The following DOCK1 variants were observed in gnomAD, a reference collection of about 807,000 sequenced individuals.
The protein encoded by DOCK1 is dedicator of cytokinesis protein 1.
Under a neutral mutation model 262.7 loss-of-function variants are expected in DOCK1, and 138 were observed. The ratio of observed to expected loss-of-function variants is 0.53; its 90% confidence interval spans 0.46 to 0.61. The LOEUF is 0.61. Ranked by LOEUF, DOCK1 falls within the 20% of genes least tolerant of loss-of-function variation. The pLI, the probability that DOCK1 is intolerant of heterozygous loss-of-function variation, is 0.00. For synonymous variants in DOCK1, 866 were observed against 867.4 expected, an observed-to-expected ratio of 1.00 and a Z score of 0.03; for missense variants, 1,908 against 2,370.7, an observed-to-expected ratio of 0.80 and a Z score of 4.05.
chr10:127,403,495 C>A (rs901697311), intron 39 of DOCK1, among the ~76,000 whole-genome samples: 2 of 152,240 alleles, frequency 1.3e-5, no homozygotes, highest in African/African-American at 2.4e-5. Context: ...CGCACTGGCT[C>A]ACGCCTGTAA....
At chr10:127,239,724 C>T (rs745808321) in intron 27 of DOCK1, among the ~76,000 whole-genome samples, 2 of 151,970 alleles carry the variant, frequency 1.3e-5, no homozygotes, top group Non-Finnish European at 2.9e-5. Context: ...CTATATCATG[C>T]GATAAGACTT....
rs1208466112 is a variant in DOCK1, at chr10:127,418,502, G to A, written c.4653G>A (p.Val1551=). 1.2e-6 allele frequency: 2 copies of A among 1,613,942 alleles called. No individual in the cohort carries two copies. The highest frequency in any genetic ancestry group is 1.7e-6 in the Non-Finnish European group (2 of 1,180,032). The stretch of plus-strand genomic sequence containing the variant: ...TCTCCATGCTCCTGAACGGCATCGT[G>A]GACCCAGCTGTCATGGGGGGCTTCG... ...NPLSMLLNGI[V]DPAVMGGFAN... The change falls in exon 45 of 52, where the codon GTG becomes GTA. Residue 1551 remains valine, a synonymous_variant. Coordinates refer to ENST00000623213, the MANE Select transcript of DOCK1 (RefSeq NM_001290223.2).
At chr10:127,363,041 C>CCCCA (rs2064677075) in intron 33 of DOCK1, among the ~76,000 whole-genome samples, 1 of 19,078 alleles carries the variant, frequency 5.2e-5, no homozygotes, top group Non-Finnish European at 1.3e-4. Context: ...GCACCTCCCC[C>CCCCA]CACACACACA....
At chr10:127,318,134 A>C (rs1198467810) in intron 29 of DOCK1, among the ~76,000 whole-genome samples, 2 of 152,234 alleles carry the variant, frequency 1.3e-5, no homozygotes, top group Non-Finnish European at 2.9e-5. Flanking sequence ...CAAAGTGAAA[A>C]TGATACATAT....
intron 27 of DOCK1, among the ~76,000 whole-genome samples, chr10:127,185,584 C>A (rs2056157385): frequency 6.6e-6 from 1 of 152,094 alleles, no homozygotes; most frequent in Non-Finnish European, 1.5e-5. Context: ...GATGAGTGTA[C>A]AATATTAATG....
At chr10:127,101,642 C>G (rs1360087137) in intron 23 of DOCK1, among the ~76,000 whole-genome samples, 1 of 152,172 alleles carries the variant, frequency 6.6e-6, no homozygotes, top group Non-Finnish European at 1.5e-5. Context: ...CTTTGGGAGC[C>G]CTCGCCCCGC....
At chr10:127,413,913 GA>G (rs201782090) in intron 43 of DOCK1, among the ~76,000 whole-genome samples, 1 of 140,990 alleles carries the variant, frequency 7.1e-6, no homozygotes, top group Non-Finnish European at 1.6e-5. Context: ...TCAGTTTTCT[GA>G]AAATTTTTTT....
intron 28 of DOCK1, among the ~76,000 whole-genome samples, chr10:127,249,861 C>A (rs905922512): frequency 6.6e-6 from 1 of 152,172 alleles, no homozygotes; most frequent in Non-Finnish European, 1.5e-5. Context: ...AGTAAGGGAA[C>A]AAGAATATGT....
intron 1 of DOCK1, among the ~76,000 whole-genome samples, chr10:126,944,561 G>A (rs1280012400): frequency 2.0e-5 from 3 of 152,232 alleles, no homozygotes; most frequent in Non-Finnish European, 2.9e-5. Flanking sequence ...GAACAACTGC[G>A]CAAAGGACTG....
chr10:126,993,961 C>G (rs991452337), intron 6 of DOCK1, among the ~76,000 whole-genome samples: 1 of 152,168 alleles, frequency 6.6e-6, no homozygotes, highest in Non-Finnish European at 1.5e-5. Flanking sequence ...ATTCAACTTT[C>G]CTCTTTAATT....
rs941078300 is a variant in DOCK1 at position 127,012,095 on chromosome 10, C to T, written c.1059-137C>T. 5 of 623,428 alleles carry T rather than the reference C, an allele frequency of 8.0e-6. No homozygotes were observed. The allele number at this position is 623,428 out of a possible 1,614,324, so 38.6% of individuals were successfully genotyped here. ...CTGTTTCTCTTGTCACCTCTCCCAT[C>T]CTTTGTCGTGCGTTGACTCATGATG... On this transcript the variant is annotated intron_variant, in intron 11 of 51. Transcript: ENST00000623213. This position sits in a 1 kb window ranked among gnomAD's most constrained non-coding sequence, Gnocchi z 4.0.
intron 27 of DOCK1, among the ~76,000 whole-genome samples, chr10:127,194,318 T>C (rs2056949965): frequency 6.6e-6 from 1 of 152,218 alleles, no homozygotes; most frequent in South Asian, 2.1e-4. Context: ...TAAACATGGA[T>C]AGTAAATGAT....
chr10:127,212,491 C>T (rs536777234), intron 27 of DOCK1, among the ~76,000 whole-genome samples: 10 of 152,196 alleles, frequency 6.6e-5, no homozygotes, highest in South Asian at 2.1e-4. Context: ...TTTGATTCAG[C>T]GGGCAGGTGC....
chr10:127,284,431 T>C (rs1007078889), intron 29 of DOCK1, among the ~76,000 whole-genome samples: 2 of 152,260 alleles, frequency 1.3e-5, no homozygotes, highest in Non-Finnish European at 2.9e-5. Flanking sequence ...TTGTCTAGAA[T>C]TTAATGCTTT....
chr10:127,306,794 G>A (rs534874277), intron 29 of DOCK1, among the ~76,000 whole-genome samples: 7 of 152,224 alleles, frequency 4.6e-5, no homozygotes, highest in African/African-American at 1.7e-4. Context: ...TAAACCAAAC[G>A]AAGGCAGTGG....
chr10:127,105,427 A>G (rs1309197319), intron 23 of DOCK1, among the ~76,000 whole-genome samples: 2 of 152,210 alleles, frequency 1.3e-5, no homozygotes. Flanking sequence ...TACATTACTA[A>G]AGAACAAAAT....
intron 16 of DOCK1, 46 bp from the exon 17 acceptor site, chr10:127,031,604 T>C (rs780971410): frequency 1.4e-6 from 2 of 1,442,422 alleles, no homozygotes; most frequent in South Asian, 2.4e-5. Flanking sequence ...TATTTTGTCA[T>C]GATAATTGAA....
chr10:127,089,006 T>G (rs2136078710), intron 23 of DOCK1, among the ~76,000 whole-genome samples: 1 of 152,070 alleles, frequency 6.6e-6, no homozygotes, highest in East Asian at 1.9e-4. Context: ...CATCCATAGC[T>G]CGGTCACTCC....
chr10:127,428,656 T>A (rs1266340180), intron 47 of DOCK1, among the ~76,000 whole-genome samples: 2 of 150,112 alleles, frequency 1.3e-5, no homozygotes, highest in African/African-American at 4.9e-5. Context: ...GCCGTGTGGA[T>A]TGGGGTGCCG....
Sources: gnomAD v4.1 joint callset for allele counts (sites outside exome capture counted in the v4.1 genomes callset) on GRCh38, gnomAD v4.1.1 for gene constraint, Gnocchi (gnomAD v3.1) non-coding constraint, MANE v1.5 for transcripts, NCBI Gene and HGNC (gene_info 2026-07-23, HGNC 2026-07-21) for gene names.